HHAT: variants seen among roughly 807,000 people sequenced by gnomAD.
The protein encoded by HHAT is hedgehog acyltransferase, also known as protein-cysteine N-palmitoyltransferase HHAT.
In HHAT, 47 loss-of-function variants were observed where a neutral mutation model predicts 70.8. The observed-to-expected ratio is 0.66, with a 90% confidence interval of 0.53 to 0.85. HHAT has a LOEUF of 0.85. Ranked by LOEUF, HHAT falls within the 40% of genes least tolerant of loss-of-function variation. HHAT has a pLI of 0.00. For missense variants in HHAT, 609 were observed against 604.8 expected (o/e 1.01, Z -0.07); for synonymous variants, 228 against 247.6 (o/e 0.92, Z 0.74).
chr1:210,513,104 A>G (rs1034680159), intron 8 of HHAT, 49 bp from the exon 9 acceptor site: 2 of 1,080,894 alleles, frequency 1.9e-6, no homozygotes, highest in Admixed American at 1.9e-5. Context: ...GTCTACCATT[A>G]CTATAAATAT....
chr1:210,573,509 C>T (rs1208473464), intron 9 of HHAT, among the ~76,000 whole-genome samples: 1 of 152,202 alleles, frequency 6.6e-6, no homozygotes, highest in Non-Finnish European at 1.5e-5. Flanking sequence ...CTGACAGGCC[C>T]AGCCATGGTT....
At chr1:210,552,955 C>G (rs2095539747) in intron 9 of HHAT, among the ~76,000 whole-genome samples, 1 of 152,174 alleles carries the variant, frequency 6.6e-6, no homozygotes, top group Non-Finnish European at 1.5e-5. Flanking sequence ...GAGCAGGTCT[C>G]CTTCATCTCA....
intron 9 of HHAT, among the ~76,000 whole-genome samples, chr1:210,584,784 G>GTCACATAGC (rs1328550827): frequency 1.3e-5 from 2 of 152,140 alleles, no homozygotes; most frequent in African/African-American, 4.8e-5. Context: ...GGTCTACTTT[G>GTCACATAGC]TACCATGTCA....
intron 3 of HHAT, among the ~76,000 whole-genome samples, chr1:210,380,637 A>G (rs1263660018): frequency 1.3e-5 from 2 of 152,212 alleles, no homozygotes; most frequent in African/African-American, 4.8e-5. Flanking sequence ...AGCATAGGCA[A>G]GGGACACCGA....
At chr1:210,593,535 A>G (rs570363657) in intron 10 of HHAT, among the ~76,000 whole-genome samples, 1 of 152,286 alleles carries the variant, frequency 6.6e-6, no homozygotes, top group East Asian at 1.9e-4. Context: ...CAGAGAAGAT[A>G]GTGGATATCA....
At chr1:210,516,103 C>T (rs916048143) in intron 9 of HHAT, among the ~76,000 whole-genome samples, 18 of 152,006 alleles carry the variant, frequency 1.2e-4, no homozygotes, top group Non-Finnish European at 2.6e-4. Context: ...ATTTTCTGCC[C>T]CCAGCTTGGG....
chr1:210,440,123 T>A (rs1183819440), intron 7 of HHAT, among the ~76,000 whole-genome samples: 1 of 151,838 alleles, frequency 6.6e-6, no homozygotes, highest in East Asian at 1.9e-4. Flanking sequence ...CATTCTCCTC[T>A]TACTCTCATT....
At chr1:210,367,896 GT>G (rs1338685158) in intron 3 of HHAT, among the ~76,000 whole-genome samples, 1 of 151,558 alleles carries the variant, frequency 6.6e-6, no homozygotes, top group Admixed American at 6.6e-5. Flanking sequence ...GGCTGTCAGG[GT>G]AAAAGCCCCT....
At chr1:210,628,192 G>A (rs1033968656) in intron 11 of HHAT, among the ~76,000 whole-genome samples, 4 of 152,028 alleles carry the variant, frequency 2.6e-5, no homozygotes, top group African/African-American at 9.7e-5. Context: ...TTCAAGGGGG[G>A]GTGTTTATAC....
At chr1:210,452,864 A>G (rs949792283) in intron 7 of HHAT, among the ~76,000 whole-genome samples, 4 of 152,226 alleles carry the variant, frequency 2.6e-5, no homozygotes, top group Non-Finnish European at 5.9e-5. Flanking sequence ...AAAATAATTG[A>G]AAGTTGGTTG....
rs569514246 is a variant in HHAT, at chr1:210,544,367, GTTTTTTTTTTTT to G, written c.1043+31192_1043+31203del. ...TTTTTTTCTTTTCTTTCTTTCTTTC[GTTTTTTTTTTTT>G]TTTTTTTTTTTTGACACAGTTTTGC... is the stretch of plus-strand genomic sequence containing the variant. On this transcript the variant is annotated intron_variant, in intron 9 of 11. Coordinates refer to ENST00000261458, the MANE Select transcript of HHAT (RefSeq NM_018194.6). 5.6e-5 allele frequency among the ~76,000 whole-genome samples: 5 copies of G among 90,054 alleles called. No homozygotes were observed. In the South Asian group the frequency reaches 1.3e-3, roughly 24 times the overall value. 59.1% of individuals were successfully genotyped at this position (90,054 alleles called of 152,430 possible).
At chr1:210,572,878 AGAGT>A (rs1330991214) in intron 9 of HHAT, among the ~76,000 whole-genome samples, 1 of 152,210 alleles carries the variant, frequency 6.6e-6, no homozygotes, top group Non-Finnish European at 1.5e-5. Flanking sequence ...CTTGGGCAAC[AGAGT>A]GAGACCCCCC....
rs572188495 is a variant in HHAT, at chr1:210,595,293, A to T, written c.1245+7194A>T. On this transcript the variant is annotated intron_variant, in intron 10 of 11. Transcript: ENST00000261458. ...ATCCATGTCCCTACAAAGGACATGAACTCATCATTTTTTATGGCTGCATAG... is the reference window on the plus strand; with the variant it reads ...ATCCATGTCCCTACAAAGGACATGATCTCATCATTTTTTATGGCTGCATAG... 7.1e-3 allele frequency among the ~76,000 whole-genome samples: 1,073 copies of T among 152,124 alleles called. 15 individuals carry two copies. The highest frequency in any genetic ancestry group is 0.023 in the African/African-American group (968 of 41,488).
At chr1:210,661,072 C>A (rs554586977) in intron 11 of HHAT, among the ~76,000 whole-genome samples, 1 of 152,268 alleles carries the variant, frequency 6.6e-6, no homozygotes, top group Admixed American at 6.5e-5. Context: ...CAAATGGGAT[C>A]TAATCAAAGT....
chr1:210,353,004 C>T (rs560217213), intron 2 of HHAT, among the ~76,000 whole-genome samples: 279 of 151,434 alleles, frequency 1.8e-3, no homozygotes, highest in African/African-American at 6.2e-3. Context: ...GGCGCAATCT[C>T]GGCTCACTGC....
At chr1:210,580,912 C>T (rs925340304) in intron 9 of HHAT, among the ~76,000 whole-genome samples, 8 of 152,188 alleles carry the variant, frequency 5.3e-5, no homozygotes, top group Non-Finnish European at 7.3e-5. Context: ...CTATCTTCCA[C>T]GATGGTTGAA....
intron 4 of HHAT, among the ~76,000 whole-genome samples, chr1:210,395,161 A>G (rs1226916166): frequency 6.6e-6 from 1 of 152,178 alleles, no homozygotes; most frequent in African/African-American, 2.4e-5. Flanking sequence ...AAGAATTAAT[A>G]GGCAGGGACG....
chr1:210,643,440 T>C (rs572057628), intron 11 of HHAT, among the ~76,000 whole-genome samples: 120 of 152,366 alleles, frequency 7.9e-4, no homozygotes, highest in Non-Finnish European at 1.4e-3. Context: ...AGTGTTAGTC[T>C]TTGATTAATC....
intron 11 of HHAT, among the ~76,000 whole-genome samples, chr1:210,631,968 G>A (rs1306319112): frequency 1.3e-5 from 2 of 152,210 alleles, no homozygotes; most frequent in African/African-American, 4.8e-5. Context: ...CACCTGTTTG[G>A]TATCATGTAA....
Sources: allele counts gnomAD v4.1 joint callset (sites outside exome capture counted in the v4.1 genomes callset), GRCh38; gene constraint gnomAD v4.1.1; transcripts MANE v1.5; gene names NCBI Gene and HGNC (gene_info 2026-07-23, HGNC 2026-07-21).